Variants in PPP2R5C observed in about 807,000 individuals in gnomAD.
The protein encoded by PPP2R5C is protein phosphatase 2 regulatory subunit B'gamma.
In PPP2R5C, 7 loss-of-function variants were observed where a neutral mutation model predicts 68.9. The observed-to-expected ratio is 0.10, with a 90% CI of 0.06 to 0.19. The LOEUF (loss-of-function observed/expected upper bound fraction) is 0.19, where lower values mean the gene tolerates loss of function less well. Ranked by LOEUF, PPP2R5C falls within the 10% of genes least tolerant of loss-of-function variation. PPP2R5C has a pLI of 1.00. For synonymous variants in PPP2R5C, 210 were observed against 222.2 expected, an observed-to-expected ratio of 0.95 and a Z score of 0.49; for missense variants, 348 against 641.3, an observed-to-expected ratio of 0.54 and a Z score of 4.94.
intron 2 of PPP2R5C, among the ~76,000 whole-genome samples, chr14:101,873,687 C>G (rs547395386): frequency 6.6e-6 from 1 of 152,348 alleles, no homozygotes; most frequent in South Asian, 2.1e-4. Context: ...TGAGTGACCT[C>G]TACAAATAAA....
At chr14:101,799,421 G>A (rs2038763205) in intron 3 of PPP2R5C, among the ~76,000 whole-genome samples, 1 of 152,202 alleles carries the variant, frequency 6.6e-6, no homozygotes, top group African/African-American at 2.4e-5. Flanking sequence ...TGAGGGGATA[G>A]GGAGATGACA....
At chr14:101,827,500 G>C (rs1480975096) in intron 1 of PPP2R5C, among the ~76,000 whole-genome samples, 1 of 152,126 alleles carries the variant, frequency 6.6e-6, no homozygotes, top group Non-Finnish European at 1.5e-5. Flanking sequence ...GAGAACTAAT[G>C]GGCAGAGACA....
At chr14:101,795,874 G>A (rs886572681) in intron 3 of PPP2R5C, among the ~76,000 whole-genome samples, 4 of 152,188 alleles carry the variant, frequency 2.6e-5, no homozygotes, top group Admixed American at 6.5e-5. Flanking sequence ...CCAGGCTGGA[G>A]TGCAGTGGCA....
At chr14:101,837,706 C>G (rs957602679) in intron 1 of PPP2R5C, among the ~76,000 whole-genome samples, 1 of 152,158 alleles carries the variant, frequency 6.6e-6, no homozygotes, top group Non-Finnish European at 1.5e-5. Context: ...AGAACACGAG[C>G]ACTAAGTAGA....
intron 2 of PPP2R5C, among the ~76,000 whole-genome samples, chr14:101,860,327 C>T (rs1338676076): frequency 6.6e-6 from 1 of 152,156 alleles, no homozygotes; most frequent in Non-Finnish European, 1.5e-5. Flanking sequence ...CGCCTTCCTT[C>T]ACTTAGCATA....
chr14:101,875,032 G>A (rs1402273541), intron 2 of PPP2R5C, among the ~76,000 whole-genome samples: 1 of 152,180 alleles, frequency 6.6e-6, no homozygotes, highest in African/African-American at 2.4e-5. Context: ...GAGCCACCGC[G>A]CCTAGCCCGT....
At chr14:101,905,077 A>G (rs374423864) in intron 9 of PPP2R5C, among the ~76,000 whole-genome samples, 41 of 152,278 alleles carry the variant, frequency 2.7e-4, no homozygotes, top group East Asian at 1.2e-3. Context: ...TGGGGGGCTG[A>G]GTGCAGTGGC....
At chr14:101,764,173 C>A (rs920363262) in intron 2 of PPP2R5C, among the ~76,000 whole-genome samples, 1 of 152,228 alleles carries the variant, frequency 6.6e-6, no homozygotes, top group Non-Finnish European at 1.5e-5. Flanking sequence ...GAAGTGCCTT[C>A]AGAGGATTTG....
intron 3 of PPP2R5C, among the ~76,000 whole-genome samples, chr14:101,801,409 G>A (rs1366511450): frequency 6.6e-6 from 1 of 152,096 alleles, no homozygotes; most frequent in African/African-American, 2.4e-5. Context: ...TGGATATTTG[G>A]GGAGTGATTC....
intron 1 of PPP2R5C, chr14:101,836,623 AT>A: frequency 2.1e-6 from 1 of 471,626 alleles, no homozygotes; most frequent in South Asian, 3.7e-5. Flanking sequence ...CTTAAAGATT[AT>A]TTCTATAATT....
At chr14:101,869,357 T>C (rs1197645737) in intron 2 of PPP2R5C, among the ~76,000 whole-genome samples, 2 of 152,248 alleles carry the variant, frequency 1.3e-5, no homozygotes, top group African/African-American at 4.8e-5. Context: ...TTGAGGTGTT[T>C]CCAGTTTTAT....
chr14:101,890,020 A>G, intron 5 of PPP2R5C: 1 of 657,768 alleles, frequency 1.5e-6, no homozygotes, highest in Non-Finnish European at 2.8e-6. Flanking sequence ...TGAGAAAAAA[A>G]TTCGTGCAAG....
chr14:101,890,359 C>G, intron 6 of PPP2R5C, 63 bp downstream of exon 8: 1 of 1,474,270 alleles, frequency 6.8e-7, no homozygotes, highest in Non-Finnish European at 9.4e-7. Context: ...TGATCCATTT[C>G]ATTGAGTCCA....
chr14:101,911,124 A>T (rs971616558), intron 11 of PPP2R5C, among the ~76,000 whole-genome samples: 5 of 151,020 alleles, frequency 3.3e-5, no homozygotes, highest in Non-Finnish European at 7.4e-5. Context: ...AAATACAAAA[A>T]AAAATCAGCC....
chr14:101,786,476 GT>G (rs2038093325), intron 3 of PPP2R5C, among the ~76,000 whole-genome samples: 1 of 152,064 alleles, frequency 6.6e-6, no homozygotes, highest in Admixed American at 6.5e-5. Flanking sequence ...AAGCTAGCCA[GT>G]TTTTCTTTTA....
chr14:101,907,138 ATTAT>A (rs931862697), intron 10 of PPP2R5C, among the ~76,000 whole-genome samples: 1 of 151,996 alleles, frequency 6.6e-6, no homozygotes, highest in Non-Finnish European at 1.5e-5. Flanking sequence ...TGGGTGCCAC[ATTAT>A]TTATTTATTT....
At chr14:101,885,582 C>T (rs138376486) in intron 5 of PPP2R5C, among the ~76,000 whole-genome samples, 1 of 152,350 alleles carries the variant, frequency 6.6e-6, no homozygotes, top group African/African-American at 2.4e-5. Flanking sequence ...GACCTGCACA[C>T]CTGATAGGGC....
At chr14:101,852,761 C>T (rs889136260) in intron 1 of PPP2R5C, among the ~76,000 whole-genome samples, 4 of 152,032 alleles carry the variant, frequency 2.6e-5, no homozygotes, top group African/African-American at 9.7e-5. Flanking sequence ...CGTGAGCCAC[C>T]GCGCCTGGCC....
upstream of PPP2R5C, among the ~76,000 whole-genome samples, chr14:101,761,362 C>T (rs1345247568): frequency 6.6e-6 from 1 of 152,050 alleles, no homozygotes; most frequent in East Asian, 1.9e-4. Context: ...CAGTCGCAGC[C>T]ACATGCTCCC....
Sources: allele counts gnomAD v4.1 joint callset (sites outside exome capture counted in the v4.1 genomes callset), GRCh38; gene constraint gnomAD v4.1.1; transcripts MANE v1.5; gene names NCBI Gene and HGNC (gene_info 2026-07-23, HGNC 2026-07-21).